The following PIEZO2 variants were observed in gnomAD, a reference collection of about 807,000 sequenced individuals.
The protein encoded by PIEZO2 is piezo-type mechanosensitive ion channel component 2.
In PIEZO2, 172 loss-of-function variants were observed where a neutral mutation model predicts 337.3. The ratio of observed to expected loss-of-function variants is 0.51; its 90% CI spans 0.45 to 0.58. The LOEUF (loss-of-function observed/expected upper bound fraction) is 0.58, where lower values mean the gene tolerates loss of function less well. PIEZO2 is among the 20% of genes least tolerant of loss of function. The pLI is 0.00. For synonymous variants in PIEZO2, 1,251 were observed against 1,228.5 expected, an observed-to-expected ratio of 1.02 and a Z score of -0.38; for missense variants, 3,028 against 3,391.3, an observed-to-expected ratio of 0.89 and a Z score of 2.66.
At position 11,030,415 on chromosome 18, in the gene PIEZO2, G is replaced by A. The variant is rs2036688244; in HGVS notation, c.160+35712C>T. 2.0e-5 allele frequency among the ~76,000 whole-genome samples: 3 copies of A among 149,568 alleles called. No individual in the cohort carries two copies. The South Asian group carries it at 6.2e-4, about 31-fold the overall frequency. On this transcript the variant is annotated intron_variant, in intron 2 of 55. Coordinates refer to ENST00000674853, the MANE Select transcript of PIEZO2 (RefSeq NM_001378183.1). ...CCATGTTTCATTAGTTATCTGTAAG[G>A]GTCCCTAGTACTCCCTAAGCCCACC...
In PIEZO2 at chr18:11,148,828, C is replaced by T. The variant is rs1435385377; in HGVS notation, c.-240G>A. The T allele has an allele frequency of 1.4e-5, 6 of 440,952 alleles. No homozygotes were observed. Among genetic ancestry groups the T allele is most frequent in the African/African-American group, 1.0e-4 (5 of 47,962 alleles). The allele number at this position is 440,952 out of a possible 1,614,324, so 27.3% of individuals were successfully genotyped here. A position where few individuals can be genotyped will look rare whatever the true frequency, so the allele number is the denominator to read the frequency against. On this transcript the variant is annotated 5_prime_UTR_variant, in exon 1 of 56. Coordinates refer to ENST00000674853, the MANE Select transcript of PIEZO2 (RefSeq NM_001378183.1). This position sits in a 1 kb window ranked among gnomAD's most constrained non-coding sequence, Gnocchi z 5.2. ...CACCAGGCTCTTGGCGGCCACCTAG[C>T]CCGGCGCCCGGCCCCCTGCGGCCGG...
rs544995309 is a variant in PIEZO2 at position 11,096,707 on chromosome 18, G to C, written c.65-30485C>G. On this transcript the variant is annotated intron_variant, in intron 1 of 55. Transcript: ENST00000674853. The surrounding 1 kb of genome is among the most constrained non-coding windows in gnomAD (Gnocchi z 4.6). ...TTTCAAGGAGATATATCTAAAAACT[G>C]TGGAAGTGAAAGACATTAGGAGAGA... Among the ~76,000 whole-genome samples, 58 of 152,284 alleles carry C rather than the reference G, an allele frequency of 3.8e-4. 1 individual carries two copies. Among genetic ancestry groups the C allele is most frequent in the African/African-American group, 1.4e-3 (57 of 41,568 alleles).
At chr18:10,730,002 G>T (rs1350593561) in intron 36 of PIEZO2, among the ~76,000 whole-genome samples, 1 of 152,130 alleles carries the variant, frequency 6.6e-6, no homozygotes, top group Non-Finnish European at 1.5e-5. Flanking sequence ...CTTCATATGG[G>T]CATTTAGGAT....
chr18:10,740,674 T>C (rs555321183), intron 33 of PIEZO2: 72 of 373,704 alleles, frequency 1.9e-4, no homozygotes, highest in Non-Finnish European at 3.2e-4. Flanking sequence ...AGTAAGGGTA[T>C]TTAGCCATAA....
intron 1 of PIEZO2, among the ~76,000 whole-genome samples, chr18:11,067,821 A>G (rs1355339845): frequency 1.3e-5 from 2 of 152,256 alleles, no homozygotes; most frequent in East Asian, 1.9e-4. Flanking sequence ...CAGAAAATTA[A>G]TAAGAAAACA....
chr18:10,803,695 G>A (rs928868855), intron 9 of PIEZO2, among the ~76,000 whole-genome samples, 180 bp downstream of exon 9: 1 of 152,028 alleles, frequency 6.6e-6, no homozygotes, highest in African/African-American at 2.4e-5. Context: ...ACGGGATCTG[G>A]GTATTTTCTT....
intron 36 of PIEZO2, chr18:10,725,359 C>T: frequency 6.2e-7 from 1 of 1,605,792 alleles, no homozygotes; most frequent in Non-Finnish European, 8.5e-7. Flanking sequence ...GACCTGCTGT[C>T]CCAGGCGGTG....
intron 11 of PIEZO2, among the ~76,000 whole-genome samples, chr18:10,799,462 G>A (rs767871903): frequency 3.4e-5 from 5 of 147,566 alleles, no homozygotes; most frequent in Admixed American, 6.6e-5. Flanking sequence ...GGTCAGAGGT[G>A]CAGCTTTTTA....
At position 10,773,747 on chromosome 18, in the gene PIEZO2, A is replaced by C; in HGVS notation, c.2568-118T>G. The stretch of plus-strand genomic sequence containing the variant: ...ATCAGTGCATGTACAAAGACCTCAC[A>C]AGGTGGGGTGTTAGCGTTTTGTCAC... On this transcript the variant is annotated intron_variant, in intron 19 of 55. Transcript: ENST00000674853. This position sits in a 1 kb window ranked among gnomAD's most constrained non-coding sequence, Gnocchi z 5.3. 3.2e-6 allele frequency: 3 copies of C among 948,114 alleles called. No homozygotes were observed. Among genetic ancestry groups the C allele is most frequent in the Non-Finnish European group, 4.7e-6 (3 of 636,574 alleles). The allele number at this position is 948,114 out of a possible 1,614,324, so 58.7% of individuals were successfully genotyped here. A position where few individuals can be genotyped will look rare whatever the true frequency, so the allele number is the denominator to read the frequency against.
Position 10,773,889 on chromosome 18 carries a change from A to G in PIEZO2, c.2567+117T>C. The G allele has an allele frequency of 3.1e-6, 2 of 649,378 alleles. No homozygotes were observed. Among genetic ancestry groups the G allele is most frequent in the Non-Finnish European group, 5.5e-6 (2 of 363,098 alleles). The allele number at this position is 649,378 out of a possible 1,614,324, so 40.2% of individuals were successfully genotyped here. A position where few individuals can be genotyped will look rare whatever the true frequency, so the allele number is the denominator to read the frequency against. On this transcript the variant is annotated intron_variant, in intron 19 of 55. Transcript: ENST00000674853. The surrounding 1 kb of genome is among the most constrained non-coding windows in gnomAD (Gnocchi z 5.3). Reference sequence around the variant, plus strand: ...TAGTGATTAGTTGGTAATGAGAGCTATCAACACCTAAACTTGACATTTTTC... The same window carrying G: ...TAGTGATTAGTTGGTAATGAGAGCTGTCAACACCTAAACTTGACATTTTTC...
chr18:10,986,639 GA>G (rs1046460104), intron 2 of PIEZO2, among the ~76,000 whole-genome samples: 2 of 151,922 alleles, frequency 1.3e-5, no homozygotes, highest in African/African-American at 4.8e-5. Flanking sequence ...GTGAAAAGTT[GA>G]AAATTTTTCC....
At chr18:11,136,031 T>A (rs2040474356) in intron 1 of PIEZO2, among the ~76,000 whole-genome samples, 1 of 152,208 alleles carries the variant, frequency 6.6e-6, no homozygotes, top group African/African-American at 2.4e-5. Context: ...CTAAAGATAA[T>A]TTGCTCAAAA....
At chr18:11,071,603 G>C (rs1323577890) in intron 1 of PIEZO2, among the ~76,000 whole-genome samples, 2 of 152,186 alleles carry the variant, frequency 1.3e-5, no homozygotes, top group Non-Finnish European at 2.9e-5. Flanking sequence ...CCAGAGAAGG[G>C]AAGGCTGCAG....
intron 4 of PIEZO2, among the ~76,000 whole-genome samples, chr18:10,909,278 A>C (rs936675193): frequency 3.3e-5 from 5 of 152,228 alleles, no homozygotes; most frequent in African/African-American, 1.2e-4. Context: ...AATATTCTGT[A>C]AGACAACCGA....
rs1318919805 is a variant in PIEZO2 at position 10,750,151 on chromosome 18, T to C, written c.4204A>G (p.Asn1402Asp). ...ACGYIGTLVH[N>D]SCWLIQAFSL... ...AAAGCCTGGATCAACCAACAACTATTGTGCACCAATGTTCCAATGTATCCA... is the reference window on the plus strand; with the variant it reads ...AAAGCCTGGATCAACCAACAACTATCGTGCACCAATGTTCCAATGTATCCA... The change falls in exon 29 of 56, where the codon AAT becomes GAT. Residue 1402 changes from asparagine to aspartate, a missense_variant. Around this residue, in one of 5 missense-constraint regions of PIEZO2, gnomAD observed 1,925 missense variants for 2,051.9 expected, o/e 0.94. Transcript: ENST00000674853. This position sits in a 1 kb window ranked among gnomAD's most constrained non-coding sequence, Gnocchi z 4.1. 23 of 1,537,028 alleles carry C rather than the reference T, an allele frequency of 1.5e-5. No homozygotes were observed. Among genetic ancestry groups the C allele is most frequent in the Admixed American group, 1.2e-4 (6 of 50,976 alleles).
chr18:11,083,828 A>G lies in PIEZO2; in HGVS notation c.65-17606T>C, dbSNP rs1054991579. On this transcript the variant is annotated intron_variant, in intron 1 of 55. Transcript: ENST00000674853. This position sits in a 1 kb window ranked among gnomAD's most constrained non-coding sequence, Gnocchi z 4.4. ...GCCAGCTGTATACTTGTTTGATATCAAAACAACCAGTCTCTTTAGTCAATT... is the reference window on the plus strand; with the variant it reads ...GCCAGCTGTATACTTGTTTGATATCGAAACAACCAGTCTCTTTAGTCAATT... Among the ~76,000 whole-genome samples, 1 of 152,186 alleles carries G rather than the reference A, an allele frequency of 6.6e-6. No individual in the cohort carries two copies. The highest frequency in any genetic ancestry group is 1.5e-5 in the Non-Finnish European group (1 of 68,040).
At chr18:11,141,065 C>T (rs1023317953) in intron 1 of PIEZO2, among the ~76,000 whole-genome samples, 4 of 152,192 alleles carry the variant, frequency 2.6e-5, no homozygotes, top group African/African-American at 9.7e-5. Flanking sequence ...AACATACCCG[C>T]TCCAATCACC....
At chr18:10,827,799 C>G (rs2040720520) in intron 7 of PIEZO2, among the ~76,000 whole-genome samples, 1 of 152,222 alleles carries the variant, frequency 6.6e-6, no homozygotes, top group Admixed American at 6.5e-5. Context: ...TCTACCTGTC[C>G]TACTCCAATC....
intron 30 of PIEZO2, among the ~76,000 whole-genome samples, chr18:10,747,135 T>C (rs1745845320): frequency 6.6e-6 from 1 of 152,220 alleles, no homozygotes; most frequent in Non-Finnish European, 1.5e-5. Context: ...AACTGTACTC[T>C]GAACCACTGT....
Sources: allele counts gnomAD v4.1 joint callset (sites outside exome capture counted in the v4.1 genomes callset), GRCh38; gene constraint gnomAD v4.1.1; regional missense constraint gnomAD v4.1.1; non-coding constraint Gnocchi (gnomAD v3.1); transcripts MANE v1.5; gene names NCBI Gene and HGNC (gene_info 2026-07-23, HGNC 2026-07-21).